STARD13: variants seen among roughly 807,000 people sequenced by gnomAD.
The protein encoded by STARD13 is StAR related lipid transfer domain containing 13.
In STARD13, 62 loss-of-function variants were observed where a neutral mutation model predicts 106.4. The observed-to-expected ratio is 0.58, with a 90% CI of 0.48 to 0.72. STARD13 has a LOEUF of 0.72. Ranked by LOEUF, STARD13 falls within the 30% of genes least tolerant of loss-of-function variation. The pLI, the probability that STARD13 is intolerant of heterozygous loss-of-function variation, is 0.00. For synonymous variants in STARD13, 565 were observed against 553.0 expected (o/e 1.02, Z -0.31); for missense variants, 1,387 against 1,424.0 (o/e 0.97, Z 0.42).
At chr13:33,499,952 C>T in the STARD13 span, among the ~76,000 whole-genome samples, 8 of 151,740 alleles carry the variant, frequency 5.3e-5, no homozygotes, top group South Asian at 1.5e-3. Context: ...TTGTTGTTCG[C>T]TGTGCTGCCT....
At position 33,142,345 on chromosome 13, in the gene STARD13, A is replaced by C. The variant is rs780443193; in HGVS notation, c.352T>G (p.Ser118Ala). Residue 118 changes from serine to alanine, a missense_variant, in exon 4 of 14, where the codon TCA becomes GCA. Transcript: ENST00000336934. ...TGGAAGTTCACATCAAGTTTCATTG[A>C]GGCACACTTGTTCAACGTATTTAGT... ...RRLNTLNKCA[S>A]MKLDVNFQRK... is the part of the protein sequence containing the mutation. 2.5e-6 allele frequency: 4 copies of C among 1,614,066 alleles called. No individual in the cohort carries two copies. In the Admixed American group the frequency reaches 6.7e-5, roughly 27 times the overall value.
chr13:33,648,916 C>T, the STARD13 span, among the ~76,000 whole-genome samples: 2 of 151,160 alleles, frequency 1.3e-5, no homozygotes, highest in African/African-American at 2.4e-5. Context: ...TTCAGCCTTC[C>T]CTAGTAGCTG....
intron 1 of STARD13, chr13:33,279,805 G>C (rs2138393390): frequency 6.6e-6 from 1 of 152,264 alleles, no homozygotes; most frequent in Non-Finnish European, 1.5e-5. Flanking sequence ...TTACTATGTA[G>C]TAATTTTTAA....
chr13:33,368,695 A>G, the STARD13 span, among the ~76,000 whole-genome samples: 1 of 152,152 alleles, frequency 6.6e-6, no homozygotes, highest in Non-Finnish European at 1.5e-5. Flanking sequence ...AAGAATGTAG[A>G]CAAGGATAGC....
chr13:33,233,822 C>T (rs79144398), intron 1 of STARD13, among the ~76,000 whole-genome samples: 6,079 of 152,334 alleles, frequency 0.04, 175 homozygotes, highest in Non-Finnish European at 0.062. Context: ...CAAGGTGACA[C>T]ACCTGGTCTG....
At chr13:33,499,604 TTTCTTCTTC>T in the STARD13 span, among the ~76,000 whole-genome samples, 72 of 39,872 alleles carry the variant, frequency 1.8e-3, 9 homozygotes, top group Non-Finnish European at 2.9e-3. Context: ...CTTCTTCTTC[TTTCTTCTTC>T]TTCTTCTTCT....
chr13:33,579,411 A>G, the STARD13 span, among the ~76,000 whole-genome samples: 2 of 152,012 alleles, frequency 1.3e-5, no homozygotes, highest in African/African-American at 4.8e-5. Context: ...TAAATACTGT[A>G]TGTTCTCACA....
the STARD13 span, among the ~76,000 whole-genome samples, chr13:33,483,053 C>T: frequency 6.6e-6 from 1 of 152,174 alleles, no homozygotes; most frequent in South Asian, 2.1e-4. Context: ...CTTCAGTATG[C>T]ATTTCCCTAT....
the STARD13 span, among the ~76,000 whole-genome samples, chr13:33,642,548 G>GCCTT: frequency 2.0e-5 from 3 of 152,072 alleles, no homozygotes; most frequent in Admixed American, 1.3e-4. Flanking sequence ...ACATTCCAAG[G>GCCTT]GGTGACTCCC....
chr13:33,390,695 C>T, the STARD13 span, among the ~76,000 whole-genome samples: 1 of 152,158 alleles, frequency 6.6e-6, no homozygotes, highest in Non-Finnish European at 1.5e-5. Flanking sequence ...AGAGAGCGAG[C>T]TCCCATTCTA....
intron 1 of STARD13, among the ~76,000 whole-genome samples, chr13:33,292,427 C>CAAA (rs58278434): frequency 5.8e-4 from 66 of 113,236 alleles, no homozygotes; most frequent in African/African-American, 2.0e-3. Context: ...CCCATCTCTA[C>CAAA]AAAAAAAAAA....
the STARD13 span, among the ~76,000 whole-genome samples, chr13:33,585,579 G>A: frequency 3.3e-5 from 5 of 152,146 alleles, no homozygotes; most frequent in East Asian, 1.9e-4. Flanking sequence ...CTGTAGTCCC[G>A]GCTACTTGGC....
chr13:33,166,796 A>C (rs1303662888), intron 2 of STARD13, among the ~76,000 whole-genome samples: 1 of 152,084 alleles, frequency 6.6e-6, no homozygotes, highest in Admixed American at 6.6e-5. Context: ...GGAGTTCGAG[A>C]CCAGCCTGAC....
chr13:33,666,302 G>A, the STARD13 span, among the ~76,000 whole-genome samples: 1 of 151,956 alleles, frequency 6.6e-6, no homozygotes, highest in African/African-American at 2.4e-5. Context: ...TGTTGTTTTT[G>A]GTTTTTTTTG....
rs1980781 is a variant in STARD13, at chr13:33,126,237, T to G, written c.1926A>C (p.Ser642=). 0.23 allele frequency: 378,103 copies of G among 1,613,250 alleles called. 45,492 individuals carry two copies. Among genetic ancestry groups the G allele is most frequent in the Admixed American group, 0.31 (18,585 of 60,018 alleles). Residue 642 remains serine (S), a synonymous_variant, in exon 7 of 14, where the codon TCA becomes TCC. Coordinates refer to ENST00000336934, the MANE Select transcript of STARD13 (RefSeq NM_178006.4). ...TCATCCTCTTCATGAACTTTGGAAC[T>G]GACCTAGAATTTACAGAAACCAGGT... ...SMSNKHGWTW[S]VPKFMKRMKV...
chr13:33,545,517 T>A, the STARD13 span, among the ~76,000 whole-genome samples: 1 of 152,200 alleles, frequency 6.6e-6, no homozygotes, highest in African/African-American at 2.4e-5. Flanking sequence ...CCTGCTGTAT[T>A]TTGGGAGCAT....
At chr13:33,663,332 A>C in the STARD13 span, among the ~76,000 whole-genome samples, 1 of 152,234 alleles carries the variant, frequency 6.6e-6, no homozygotes, top group Non-Finnish European at 1.5e-5. Context: ...TATTATGGAC[A>C]AAAATTATTA....
the STARD13 span, among the ~76,000 whole-genome samples, chr13:33,430,943 T>C: frequency 6.6e-6 from 1 of 152,128 alleles, no homozygotes; most frequent in South Asian, 2.1e-4. Flanking sequence ...GAAAAGAAGT[T>C]GATTAATGGG....
the STARD13 span, among the ~76,000 whole-genome samples, chr13:33,547,100 C>A: frequency 6.6e-5 from 10 of 152,064 alleles, no homozygotes; most frequent in Non-Finnish European, 2.9e-5. Flanking sequence ...AGTCATTTCC[C>A]AGTAGATGTT....
Sources: allele counts gnomAD v4.1 joint callset (sites outside exome capture counted in the v4.1 genomes callset), GRCh38; gene constraint gnomAD v4.1.1; transcripts MANE v1.5; gene names NCBI Gene and HGNC (gene_info 2026-07-23, HGNC 2026-07-21).